Variants in SYNE1 observed in about 807,000 individuals in gnomAD.
SYNE1 encodes the protein nesprin-1.
A neutral mutation model predicts 1,111.0 loss-of-function variants in SYNE1; 616 were observed. That is an observed-to-expected ratio of 0.55 (90% CI 0.52 to 0.59). The LOEUF is 0.59. SYNE1 is among the 20% of genes least tolerant of loss of function. SYNE1 has a pLI of 0.00. For missense variants in SYNE1, 10,006 were observed against 10,417.0 expected (o/e 0.96, Z 1.72); for synonymous variants, 3,855 against 3,825.8 (o/e 1.01, Z -0.28).
chr6:152,150,829 G>A (rs913643692), intron 135 of SYNE1, among the ~76,000 whole-genome samples: 8 of 152,116 alleles, frequency 5.3e-5, no homozygotes, highest in African/African-American at 9.7e-5. Flanking sequence ...ATGAAATCCC[G>A]ACATAGGAAA....
At position 152,232,280 on chromosome 6, in the gene SYNE1, G is replaced by T; in HGVS notation, c.20713-15C>A. ...TCCATCTGGAGCTGTCCAAGTCAGG[G>T]AGAGAACCAGTCCCAAGTGTTAAAA... On this transcript the variant is annotated splice_polypyrimidine_tract_variant and intron_variant, in intron 112 of 145. Transcript: ENST00000367255. 2 of 1,613,724 alleles carry T rather than the reference G, an allele frequency of 1.2e-6. No homozygotes were observed. The highest frequency in any genetic ancestry group is 1.7e-6 in the Non-Finnish European group (2 of 1,179,816).
At chr6:152,502,227 T>C (rs757233318) in intron 10 of SYNE1, among the ~76,000 whole-genome samples, 15 of 152,318 alleles carry the variant, frequency 9.8e-5, no homozygotes, top group South Asian at 4.1e-4. Context: ...ATGTTTGCTG[T>C]CAATAGATGT....
intron 3 of SYNE1, among the ~76,000 whole-genome samples, chr6:152,566,209 C>T (rs1484487394): frequency 6.6e-6 from 1 of 152,108 alleles, no homozygotes; most frequent in East Asian, 1.9e-4. Flanking sequence ...TTAAGCATCA[C>T]AGCCCACTGA....
intron 8 of SYNE1, among the ~76,000 whole-genome samples, chr6:152,506,685 G>A (rs1428672139): frequency 6.6e-6 from 1 of 151,918 alleles, no homozygotes; most frequent in East Asian, 1.9e-4. Context: ...GGGATTTCAG[G>A]CATGTGCCAC....
intron 87 of SYNE1, among the ~76,000 whole-genome samples, chr6:152,312,594 A>G (rs1320651527): frequency 1.3e-5 from 2 of 148,374 alleles, no homozygotes; most frequent in African/African-American, 2.4e-5. Flanking sequence ...TTTAATGTAA[A>G]TGTATAATTT....
rs1595504059 is a variant in SYNE1, at chr6:152,566,750, A to T, written c.68-26729T>A. Among the ~76,000 whole-genome samples the T allele has an allele frequency of 2.0e-5, 3 of 152,286 alleles. No homozygotes were observed. In the Middle Eastern group the frequency reaches 0.01, roughly 518 times the overall value. On this transcript the variant is annotated intron_variant, in intron 3 of 145. Coordinates refer to ENST00000367255, the MANE Select transcript of SYNE1 (RefSeq NM_182961.4). ...GGCCTGACTCAAATATTAATTTCAC[A>T]AACAACCGCAGTTGTAAGAGTGACT... is the stretch of plus-strand genomic sequence containing the variant.
rs1436759677 is a variant in SYNE1 at position 152,353,346 on chromosome 6, T to A, written c.11170A>T (p.Thr3724Ser). Residue 3724 changes from threonine to serine, a missense_variant, in exon 69 of 146, where the codon ACT becomes TCT. This residue lies in a region of SYNE1 where 4,955 missense variants were observed against 5,017.2 expected (regional missense o/e 0.99). Transcript: ENST00000367255. The part of the protein sequence containing the change: ...LSSYSDWYGS[T>S]HKNFKNVATK... ...GCCACATTCTTGAAGTTTTTATGAG[T>A]AGAGCCATACCAATCAGAATAGGAA... The A allele has an allele frequency of 1.1e-5, 18 of 1,614,036 alleles. No individual in the cohort carries two copies. The highest frequency in any genetic ancestry group is 1.5e-5 in the Non-Finnish European group (18 of 1,180,022).
intron 62 of SYNE1, chr6:152,366,856 T>C: frequency 2.6e-6 from 1 of 385,594 alleles, no homozygotes; most frequent in East Asian, 6.7e-5. Flanking sequence ...ATTGGCTAAA[T>C]ACAGGAAGAC....
At chr6:152,132,029 C>T (rs1010869382) in intron 144 of SYNE1, 93 bp downstream of exon 144, 132 of 1,178,004 alleles carry the variant, frequency 1.1e-4, no homozygotes, top group Non-Finnish European at 1.6e-4. Flanking sequence ...CTGGAGGGGA[C>T]GCCTGCCTGT....
rs558388460 is a variant in SYNE1, at chr6:152,395,086, A to G, written c.7712+430T>C. 9.5e-4 allele frequency among the ~76,000 whole-genome samples: 137 copies of G among 144,472 alleles called. 1 individual carries two copies. Among genetic ancestry groups the G allele is most frequent in the African/African-American group, 3.2e-3 (124 of 39,128 alleles). 94.8% of individuals were successfully genotyped at this position (144,472 alleles called of 152,430 possible). A position where few individuals can be genotyped will look rare whatever the true frequency, so the allele number is the denominator to read the frequency against. ...GCGTGAGCCACCGCACCTGGCAAGC[A>G]CTCTTTTTTTCTTTTTTTTATCTTT... On this transcript the variant is annotated intron_variant, in intron 51 of 145. Coordinates refer to ENST00000367255, the MANE Select transcript of SYNE1 (RefSeq NM_182961.4).
intron 58 of SYNE1, among the ~76,000 whole-genome samples, chr6:152,375,568 A>G (rs1451658054): frequency 6.6e-6 from 1 of 152,126 alleles, no homozygotes; most frequent in African/African-American, 2.4e-5. Context: ...AGCACCATGA[A>G]GTTACAGTTA....
chr6:152,206,350 C>G lies in SYNE1; in HGVS notation c.22837G>C (p.Val7613Leu), dbSNP rs776253447. ...TAGCTGCCTTGTTGCCGCAGAAACA[C>G]TTTTTCTTTGAACTGAAAGGAACCA... The part of the protein sequence containing the change: ...LFDEVQFKEK[V>L]FLRQQGSYIL... The change falls in exon 126 of 146, where the codon GTG (valine) becomes CTG (leucine). Residue 7613 changes from valine (V) to leucine (L), a missense_variant. This residue lies in a region of SYNE1 where 2,182 missense variants were observed against 2,287.8 expected (regional missense o/e 0.95). Transcript: ENST00000367255. 1.5e-5 allele frequency: 24 copies of G among 1,613,842 alleles called. No homozygotes were observed. The highest frequency in any genetic ancestry group is 9.3e-5 in the African/African-American group (7 of 75,054).
chr6:152,218,931 C>A, intron 120 of SYNE1, 72 bp downstream of exon 120: 1 of 1,494,906 alleles, frequency 6.7e-7, no homozygotes, highest in Non-Finnish European at 9.2e-7. Flanking sequence ...ACAAGGAATT[C>A]TTTTTCTGTG....
chr6:152,362,543 A>C (rs1238377356), intron 63 of SYNE1, among the ~76,000 whole-genome samples: 1 of 152,154 alleles, frequency 6.6e-6, no homozygotes, highest in African/African-American at 2.4e-5. Context: ...GCCAATATGC[A>C]GAAACATGGA....
intron 3 of SYNE1, among the ~76,000 whole-genome samples, chr6:152,624,959 T>G (rs563560078): frequency 6.6e-6 from 1 of 152,208 alleles, no homozygotes; most frequent in African/African-American, 2.4e-5. Context: ...TTATTAGTTA[T>G]GCACAGGTCT....
intron 70 of SYNE1, 131 bp from the exon 71 acceptor site, chr6:152,350,901 G>T: frequency 9.5e-7 from 1 of 1,054,448 alleles, no homozygotes; most frequent in Non-Finnish European, 1.4e-6. Flanking sequence ...AGCAATAGGT[G>T]CAAGACATTA....
In SYNE1 at chr6:152,430,467, T is replaced by C. The variant is rs771478602; in HGVS notation, c.4689+15A>G. ...TGAAATATGTAAACTTAAGTATAGGTGGATCAATTCTTACCTTTCTAAGGT... is the reference window on the plus strand; with the variant it reads ...TGAAATATGTAAACTTAAGTATAGGCGGATCAATTCTTACCTTTCTAAGGT... On this transcript the variant is annotated intron_variant, in intron 35 of 145. Coordinates refer to ENST00000367255, the MANE Select transcript of SYNE1 (RefSeq NM_182961.4). The C allele has an allele frequency of 5.0e-5, 80 of 1,603,838 alleles. No homozygotes were observed. Among genetic ancestry groups the C allele is most frequent in the Non-Finnish European group, 6.0e-5 (70 of 1,170,852 alleles).
At chr6:152,265,533 T>C (rs961492662) in intron 100 of SYNE1, among the ~76,000 whole-genome samples, 2 of 152,188 alleles carry the variant, frequency 1.3e-5, no homozygotes, top group Admixed American at 1.3e-4. Flanking sequence ...CTTTTTTCTT[T>C]TGTGGTAATA....
Position 152,347,162 on chromosome 6 carries a change from C to T in SYNE1, c.11975G>A (p.Gly3992Asp). 6.2e-7 allele frequency: 1 copy of T among 1,614,096 alleles called. No homozygotes were observed. Among genetic ancestry groups the T allele is most frequent in the East Asian group, 2.2e-5 (1 of 44,876 alleles). ...NLQMKGDTLI[G>D]QCADHLQAKL... Reference sequence around the variant, plus strand: ...CGCTTGCAGGTGGTCTGCACATTGGCCAATCAAAGTATCACCTTTCATTTG... The same window carrying T: ...CGCTTGCAGGTGGTCTGCACATTGGTCAATCAAAGTATCACCTTTCATTTG... The change falls in exon 73 of 146, where the codon GGC (glycine) becomes GAC (aspartate). Residue 3992 changes from glycine to aspartate, a missense_variant. Transcript: ENST00000367255.
Sources: allele counts gnomAD v4.1 joint callset (sites outside exome capture counted in the v4.1 genomes callset), GRCh38; gene constraint gnomAD v4.1.1; regional missense constraint gnomAD v4.1.1; transcripts MANE v1.5; gene names NCBI Gene and HGNC (gene_info 2026-07-23, HGNC 2026-07-21).